Variants in MYO15A observed in about 807,000 individuals in gnomAD.
The protein encoded by MYO15A is myosin XVA, also known as unconventional myosin-XV.
MYO15A carries 308 observed loss-of-function variants against 394.6 expected under a neutral mutation model. The observed-to-expected ratio is 0.78, with a 90% CI of 0.71 to 0.86. The LOEUF (loss-of-function observed/expected upper bound fraction) is 0.86, where lower values mean the gene tolerates loss of function less well. MYO15A is among the 40% of genes least tolerant of loss of function. The probability of loss-of-function intolerance (pLI) is 0.00; values close to 1 mark genes in which losing one functional copy is unlikely to be tolerated. For synonymous variants in MYO15A, 1,957 were observed against 2,003.8 expected, an observed-to-expected ratio of 0.98 and a Z score of 0.62; for missense variants, 4,606 against 4,799.1, an observed-to-expected ratio of 0.96 and a Z score of 1.19.
At chr17:18,139,779 C>G (rs1284862499) in intron 19 of MYO15A, among the ~76,000 whole-genome samples, 168 bp downstream of exon 19, 1 of 152,234 alleles carries the variant, frequency 6.6e-6, no homozygotes, top group Admixed American at 6.5e-5. Context: ...CTGTTCCCAC[C>G]TAGCTTGGCT....
intron 19 of MYO15A, 85 bp from the exon 20 acceptor site, chr17:18,140,432 G>A (rs2142333884): frequency 6.3e-7 from 1 of 1,582,326 alleles, no homozygotes; most frequent in East Asian, 2.2e-5. Context: ...CCCTGGTCCG[G>A]AGATTTACTC....
In MYO15A at chr17:18,136,483, C is replaced by G. The variant is rs770238472; in HGVS notation, c.4655+8C>G. The G allele has an allele frequency of 3.1e-6, 5 of 1,613,522 alleles. No individual in the cohort carries two copies. The highest frequency in any genetic ancestry group is 1.7e-5 in the Admixed American group (1 of 60,006). On this transcript the variant is annotated splice_region_variant and intron_variant, in intron 14 of 65. Transcript: ENST00000647165. ...GAGCGCTGTGGATGCCAGGTGAGGC[C>G]ACGCCCTCCCCTGCCTGAGCCCCGA...
chr17:18,140,549 A>T lies in MYO15A; in HGVS notation c.5244A>T (p.Pro1748=). 3 of 1,613,564 alleles carry T rather than the reference A, an allele frequency of 1.9e-6. No individual in the cohort carries two copies. The highest frequency in any genetic ancestry group is 1.1e-5 in the South Asian group (1 of 91,070). The stretch of plus-strand genomic sequence containing the variant: ...CACACCTCTTCTCCAGCCATGCCCC[A>T]CAGGCTGCCCCTCAGCGCCTGGGCA... The part of the protein sequence containing the change: ...VVAHLFSSHA[P]QAAPQRLGKS... Residue 1748 remains proline, a synonymous_variant, in exon 20 of 66, where the codon CCA becomes CCT. Transcript: ENST00000647165.
In MYO15A at chr17:18,149,500, G is replaced by A; in HGVS notation, c.7132G>A (p.Gly2378Arg). 6.2e-7 allele frequency: 1 copy of A among 1,614,208 alleles called. No homozygotes were observed. The highest frequency in any genetic ancestry group is 1.3e-5 in the African/African-American group (1 of 75,050). ...TATHQESDSL[G>R]EPAVPHKGLD... ...TTCCCCTCCAGAGTCAGACAGTCTTGGAGAGCCTGCTGTGCCCCACAAGGG... is the reference window on the plus strand; with the variant it reads ...TTCCCCTCCAGAGTCAGACAGTCTTAGAGAGCCTGCTGTGCCCCACAAGGG... The change falls in exon 35 of 66, where the codon GGA becomes AGA. Residue 2378 changes from glycine to arginine, a missense_variant. Gly to Arg is a moderately radical substitution (Grantham distance 125). This residue lies in a region of MYO15A where 2,776 missense variants were observed against 3,109.3 expected (regional missense o/e 0.89). Coordinates refer to ENST00000647165, the MANE Select transcript of MYO15A (RefSeq NM_016239.4).
In MYO15A at chr17:18,131,241, C is replaced by G. The variant is rs772769240; in HGVS notation, c.4041C>G (p.Ile1347Met). 1.2e-6 allele frequency: 2 copies of G among 1,612,984 alleles called. No homozygotes were observed. The highest frequency in any genetic ancestry group is 2.2e-5 in the South Asian group (2 of 91,062). The change falls in exon 9 of 66, where the codon ATC (isoleucine) becomes ATG (methionine). Residue 1347 changes from isoleucine to methionine, a missense_variant and splice_region_variant. Around this residue, in one of 2 missense-constraint regions of MYO15A, gnomAD observed 2,776 missense variants for 3,109.3 expected, o/e 0.89. Coordinates refer to ENST00000647165, the MANE Select transcript of MYO15A (RefSeq NM_016239.4). ...CCACATCTCCTTCTGGAGTCCAGAT[C>G]CTGGAGGCAACACCCCTCTTGGAGT... is the stretch of plus-strand genomic sequence containing the variant. ...QKREVMQQIK[I>M]LEATPLLESF...
chr17:18,112,132 C>T (rs886740784), intron 1 of MYO15A, among the ~76,000 whole-genome samples: 1 of 152,224 alleles, frequency 6.6e-6, no homozygotes, highest in African/African-American at 2.4e-5. Flanking sequence ...ACAAGGCTCC[C>T]CTACTTGGGG....
At position 18,151,938 on chromosome 17, in the gene MYO15A, C is replaced by T. The variant is rs939390736; in HGVS notation, c.7880C>T (p.Ala2627Val). The T allele has an allele frequency of 7.7e-6, 12 of 1,561,268 alleles. No individual in the cohort carries two copies. Among genetic ancestry groups the T allele is most frequent in the Non-Finnish European group, 1.0e-5 (12 of 1,151,916 alleles). ...GGGCAGATGACCCACCTGGCAGCTG[C>T]ACCTGGCACCCAGGTGAGGGGGGAA... The part of the protein sequence containing the change: ...LKGQMTHLAA[A>V]PGTQVSREAV... Residue 2627 changes from alanine (A) to valine (V), a missense_variant, in exon 41 of 66, where the codon GCA becomes GTA. Transcript: ENST00000647165.
Position 18,119,164 on chromosome 17 carries a change from CCG to C in MYO15A, c.370_371del (p.Ala124ProfsTer103). 4.3e-6 allele frequency: 7 copies of C among 1,612,014 alleles called. No homozygotes were observed. The highest frequency in any genetic ancestry group is 5.9e-6 in the Non-Finnish European group (7 of 1,179,674). ...PGRRGYGRLR[P>X]RARSLSKAST... The stretch of plus-strand genomic sequence containing the variant: ...CCGCCGTGGCTACGGCCGCCTGCGG[CCG>C]CGCGCCCGGTCACTCAGCAAAGCGT... On this transcript the variant is annotated frameshift_variant, in exon 2 of 66. Transcript: ENST00000647165. LOFTEE classifies it high-confidence loss of function.
intron 57 of MYO15A, 43 bp downstream of exon 57, chr17:18,161,490 C>T (rs1477917745): frequency 4.3e-6 from 7 of 1,609,670 alleles, no homozygotes; most frequent in East Asian, 2.2e-5. Flanking sequence ...CATGCTTCTC[C>T]CTTGGGGACT....
rs876657906 is a variant in MYO15A at position 18,119,731 on chromosome 17, G to A, written c.931G>A (p.Asp311Asn). The A allele has an allele frequency of 1.9e-6, 3 of 1,612,436 alleles. No individual in the cohort carries two copies. The highest frequency in any genetic ancestry group is 1.7e-6 in the Non-Finnish European group (2 of 1,179,964). ...GTACACCTACGGCTACGGCTACGAC[G>A]ATTACGAACCCCCATATGCGCCCCC... ...PGYTYGYGYD[D>N]YEPPYAPPSG... Residue 311 changes from aspartate (D) to asparagine (N), a missense_variant, in exon 2 of 66, where the codon GAT becomes AAT. Coordinates refer to ENST00000647165, the MANE Select transcript of MYO15A (RefSeq NM_016239.4).
chr17:18,142,730 C>G (rs1397540586), intron 24 of MYO15A, 26 bp from the exon 25 acceptor site: 1 of 1,607,826 alleles, frequency 6.2e-7, no homozygotes, highest in Non-Finnish European at 8.5e-7. Context: ...GCCCCAATCC[C>G]TGACCTCCCC....
At position 18,140,595 on chromosome 17, in the gene MYO15A, C is replaced by T. The variant is rs1313764178; in HGVS notation, c.5290C>T (p.Leu1764Phe). ...GGGCAAGAGCAGCTCCGTCACTCGG[C>T]TCTACAAGGCGCACACTGTGGCCGC... ...RLGKSSSVTR[L>F]YKAHTVAAKF... Residue 1764 changes from leucine (L) to phenylalanine (F), a missense_variant, in exon 20 of 66, where the codon CTC becomes TTC. Coordinates refer to ENST00000647165, the MANE Select transcript of MYO15A (RefSeq NM_016239.4). 1.2e-6 allele frequency: 2 copies of T among 1,613,786 alleles called. No individual in the cohort carries two copies. The highest frequency in any genetic ancestry group is 1.7e-5 in the Admixed American group (1 of 60,034).
Position 18,119,609 on chromosome 17 carries a change from C to T in MYO15A, c.809C>T (p.Ala270Val). 1 of 1,603,678 alleles carries T rather than the reference C, an allele frequency of 6.2e-7. No individual in the cohort carries two copies. Among genetic ancestry groups the T allele is most frequent in the South Asian group, 1.1e-5 (1 of 91,086 alleles). The part of the protein sequence containing the change: ...YLAGLGPYSP[A>V]WPPYGDHYYG... ...GCGGGCCTCGGCCCCTACAGCCCGG[C>T]CTGGCCACCCTACGGCGACCACTAC... The change falls in exon 2 of 66, where the codon GCC (alanine) becomes GTC (valine). Residue 270 changes from alanine to valine, a missense_variant. Physicochemically the swap from Ala to Val is moderately conservative, Grantham distance 64. This residue lies in a region of MYO15A where 1,830 missense variants were observed against 1,689.7 expected (regional missense o/e 1.08). Transcript: ENST00000647165.
In MYO15A at chr17:18,119,617, C is replaced by A. The variant is rs758395586; in HGVS notation, c.817C>A (p.Pro273Thr). ...GLGPYSPAWP[P>T]YGDHYYGYPP... Reference sequence around the variant, plus strand: ...CGGCCCCTACAGCCCGGCCTGGCCACCCTACGGCGACCACTACTACGGGTA... The same window carrying A: ...CGGCCCCTACAGCCCGGCCTGGCCAACCTACGGCGACCACTACTACGGGTA... The change falls in exon 2 of 66, where the codon CCC becomes ACC. Residue 273 changes from proline to threonine, a missense_variant. By Grantham distance (38) the Pro-to-Thr change is conservative. Around this residue, in one of 2 missense-constraint regions of MYO15A, gnomAD observed 1,830 missense variants for 1,689.7 expected, o/e 1.08. Coordinates refer to ENST00000647165, the MANE Select transcript of MYO15A (RefSeq NM_016239.4). 1 of 1,603,314 alleles carries A rather than the reference C, an allele frequency of 6.2e-7. No individual in the cohort carries two copies.
intron 65 of MYO15A, chr17:18,178,426 C>G (rs2047045295): frequency 2.2e-6 from 1 of 456,550 alleles, no homozygotes. Context: ...TCACCACAGC[C>G]CTGTCTGTGA....
chr17:18,125,654 G>A (rs889825266), intron 4 of MYO15A: 1 of 203,582 alleles, frequency 4.9e-6, no homozygotes, highest in Non-Finnish European at 9.8e-6. Flanking sequence ...GCAGTGAGCG[G>A]AGATCGCGCC....
chr17:18,122,291 A>G lies in MYO15A; in HGVS notation c.3491A>G (p.Tyr1164Cys). Residue 1164 changes from tyrosine to cysteine, a missense_variant, in exon 2 of 66, where the codon TAT becomes TGT. Tyr to Cys is a radical substitution (Grantham distance 194). Coordinates refer to ENST00000647165, the MANE Select transcript of MYO15A (RefSeq NM_016239.4). ...WSCLWLRADAYGPWPRVHTHP... is the reference protein window; with the variant it reads ...WSCLWLRADACGPWPRVHTHP... Reference sequence around the variant, plus strand: ...TGCCTCTGGCTTCGGGCAGATGCCTATGGACCCTGGCCACGAGTACACACC... The same window carrying G: ...TGCCTCTGGCTTCGGGCAGATGCCTGTGGACCCTGGCCACGAGTACACACC... 6.2e-7 allele frequency: 1 copy of G among 1,613,030 alleles called. No homozygotes were observed. The highest frequency in any genetic ancestry group is 8.5e-7 in the Non-Finnish European group (1 of 1,179,982).
intron 7 of MYO15A, among the ~76,000 whole-genome samples, chr17:18,127,834 G>GATATATATAT (rs55650584): frequency 0.012 from 1,512 of 130,976 alleles, 14 homozygotes; most frequent in Middle Eastern, 0.02. Context: ...GAAAAAAAAA[G>GATATATATAT]ATATATATAT....
Position 18,148,394 on chromosome 17 carries a change from G to C in MYO15A, c.6692-102G>C. 1.3e-6 allele frequency: 2 copies of C among 1,486,304 alleles called. No individual in the cohort carries two copies. Among genetic ancestry groups the C allele is most frequent in the Non-Finnish European group, 1.8e-6 (2 of 1,091,754 alleles). 92.1% of individuals were successfully genotyped at this position (1,486,304 alleles called of 1,614,324 possible). On this transcript the variant is annotated intron_variant, in intron 31 of 65. Coordinates refer to ENST00000647165, the MANE Select transcript of MYO15A (RefSeq NM_016239.4). The surrounding 1 kb of genome is among the most constrained non-coding windows in gnomAD (Gnocchi z 4.8). Reference sequence around the variant, plus strand: ...CAGGAAAGGGGAGCCAGGGAAGTGAGGCTACAGATACAGGAAGCCTGAAAG... The same window carrying C: ...CAGGAAAGGGGAGCCAGGGAAGTGACGCTACAGATACAGGAAGCCTGAAAG...
Sources: allele counts gnomAD v4.1 joint callset (sites outside exome capture counted in the v4.1 genomes callset), GRCh38; gene constraint gnomAD v4.1.1; regional missense constraint gnomAD v4.1.1; non-coding constraint Gnocchi (gnomAD v3.1); transcripts MANE v1.5; gene names NCBI Gene and HGNC (gene_info 2026-07-23, HGNC 2026-07-21).